Variants in MACF1 observed in about 807,000 individuals in gnomAD.
MACF1 encodes the protein microtubule-actin cross-linking factor 1.
In MACF1, 193 loss-of-function variants were observed where a neutral mutation model predicts 854.8. That is an observed-to-expected ratio of 0.23 (90% CI 0.20 to 0.25). The LOEUF (loss-of-function observed/expected upper bound fraction) is 0.25. Ranked by LOEUF, MACF1 falls within the 10% of genes least tolerant of loss-of-function variation. The probability of loss-of-function intolerance (pLI) is 1.00; values close to 1 mark genes in which losing one functional copy is unlikely to be tolerated. For synonymous variants in MACF1, 3,185 were observed against 3,226.7 expected (o/e 0.99, Z 0.44); for missense variants, 7,722 against 8,929.1 (o/e 0.86, Z 5.45).
Position 39,334,194 on chromosome 1 carries a change from A to C in MACF1, c.7606A>C (p.Lys2536Gln), listed in dbSNP as rs1454983014. 1 of 1,614,080 alleles carries C rather than the reference A, an allele frequency of 6.2e-7. No homozygotes were observed. Among genetic ancestry groups the C allele is most frequent in the Non-Finnish European group, 8.5e-7 (1 of 1,180,028 alleles). The part of the protein sequence containing the change: ...LIGEDLAEKL[K>Q]RVENLNIHQI... ...TGGTGAAGATTTAGCCGAGAAACTC[A>C]AAAGAGTTGAGAACTTAAACATCCA... Residue 2536 changes from lysine to glutamine, a missense_variant, in exon 37 of 101, where the codon AAA (lysine) becomes CAA (glutamine). By Grantham distance (53) the Lys-to-Gln change is moderately conservative. This residue lies in a region of MACF1 where 1,531 missense variants were observed against 1,601.6 expected (regional missense o/e 0.96). Transcript: ENST00000564288.
At chr1:39,479,434 AAGAG>A (rs1035212949) in intron 97 of MACF1, among the ~76,000 whole-genome samples, 3 of 152,192 alleles carry the variant, frequency 2.0e-5, no homozygotes, top group South Asian at 2.1e-4. Flanking sequence ...CACATGTACT[AAGAG>A]AGAGAAAAGA....
intron 78 of MACF1, 124 bp from the exon 79 acceptor site, chr1:39,443,322 C>T: frequency 1.1e-6 from 1 of 940,774 alleles, no homozygotes; most frequent in Non-Finnish European, 1.6e-6. Context: ...AGCAACAGAA[C>T]AGCTTTGCCA....
Position 39,335,053 on chromosome 1 carries a change from C to T in MACF1, c.8465C>T (p.Ala2822Val), listed in dbSNP as rs1038945354. 1 of 1,613,874 alleles carries T rather than the reference C, an allele frequency of 6.2e-7. No individual in the cohort carries two copies. Among genetic ancestry groups the T allele is most frequent in the Non-Finnish European group, 8.5e-7 (1 of 1,179,932 alleles). ...TTATTTCAAGTTGAAAATCAGTCTG[C>T]ACAAGAAAAGGTTAAAGTGAGAGTT... ...ERLFQVENQS[A>V]QEKVKVRVSD... is the part of the protein sequence containing the mutation. The change falls in exon 37 of 101, where the codon GCA becomes GTA. Residue 2822 changes from alanine to valine, a missense_variant. By Grantham distance (64) the Ala-to-Val change is moderately conservative. This residue lies in a region of MACF1 where 1,531 missense variants were observed against 1,601.6 expected (regional missense o/e 0.96). Coordinates refer to ENST00000564288, the MANE Select transcript of MACF1 (RefSeq NM_001394062.1).
Position 39,451,116 on chromosome 1 carries a change from G to A in MACF1, c.20323G>A (p.Val6775Ile), listed in dbSNP as rs1221024348. 1 of 1,614,070 alleles carries A rather than the reference G, an allele frequency of 6.2e-7. No homozygotes were observed. Among genetic ancestry groups the A allele is most frequent in the Non-Finnish European group, 8.5e-7 (1 of 1,180,030 alleles). ...GQFMDALQALVDWLYKVEPQL... is the reference protein window; with the variant it reads ...GQFMDALQALIDWLYKVEPQL... ...GTTCATGGATGCTTTGCAGGCATTG[G>A]TTGACTGGTTATACAAGGTGGAGCC... Residue 6775 changes from valine to isoleucine, a missense_variant, in exon 85 of 101, where the codon GTT (valine) becomes ATT (isoleucine). Around this residue, in one of 15 missense-constraint regions of MACF1, gnomAD observed 729 missense variants for 900.5 expected, o/e 0.81. Transcript: ENST00000564288.
chr1:39,328,103 G>C (rs1646650621), intron 36 of MACF1, among the ~76,000 whole-genome samples: 1 of 152,184 alleles, frequency 6.6e-6, no homozygotes, highest in Non-Finnish European at 1.5e-5. Flanking sequence ...TGGTCCAGAT[G>C]ATGCTCAAAA....
chr1:39,239,919 C>CGTCT (rs1644903279), intron 2 of MACF1, among the ~76,000 whole-genome samples: 1 of 152,226 alleles, frequency 6.6e-6, no homozygotes, highest in South Asian at 2.1e-4. Context: ...TCCGTCCGTC[C>CGTCT]GTCTTTCTGT....
chr1:39,472,004 C>T (rs757983004), intron 97 of MACF1, among the ~76,000 whole-genome samples: 2 of 152,060 alleles, frequency 1.3e-5, no homozygotes, highest in Non-Finnish European at 2.9e-5. Context: ...TTAACATGCC[C>T]GCATCAGCCA....
In MACF1 at chr1:39,395,000, G is replaced by C. The variant is rs566636827; in HGVS notation, c.15816+6342G>C. Among the ~76,000 whole-genome samples the C allele has an allele frequency of 2.0e-5, 3 of 152,198 alleles. No homozygotes were observed. In the South Asian group the frequency reaches 6.2e-4, roughly 32 times the overall value. Reference sequence around the variant, plus strand: ...ACAAAGCTACTCCAAATAGGAACTAGGGTCCAAGGAAATAAAGACAGTATC... The same window carrying C: ...ACAAAGCTACTCCAAATAGGAACTACGGTCCAAGGAAATAAAGACAGTATC... On this transcript the variant is annotated intron_variant, in intron 58 of 100. Coordinates refer to ENST00000564288, the MANE Select transcript of MACF1 (RefSeq NM_001394062.1).
chr1:39,352,877 C>A, intron 43 of MACF1, 130 bp from the exon 44 acceptor site: 1 of 552,016 alleles, frequency 1.8e-6, no homozygotes. Context: ...TTTGTATGTG[C>A]AAAGACTGTT....
rs200271783 is a variant in MACF1, at chr1:39,385,385, A to G, written c.13849-49A>G. 4 of 1,589,164 alleles carry G rather than the reference A, an allele frequency of 2.5e-6. No homozygotes were observed. The East Asian group carries it at 6.7e-5, about 27-fold the overall frequency. ...GCCTGGCCTGACACTGCTTTTAGAT[A>G]GATCTGTTTTTTTCCTGTCTAAACA... is the stretch of plus-strand genomic sequence containing the variant. On this transcript the variant is annotated intron_variant, in intron 56 of 100. Coordinates refer to ENST00000564288, the MANE Select transcript of MACF1 (RefSeq NM_001394062.1).
intron 2 of MACF1, among the ~76,000 whole-genome samples, chr1:39,126,351 A>G (rs1642859690): frequency 6.6e-6 from 1 of 152,140 alleles, no homozygotes; most frequent in Admixed American, 6.5e-5. Flanking sequence ...CCCTTTTTAT[A>G]ACACTAGTTA....
chr1:39,160,246 T>G (rs371273219), intron 2 of MACF1, among the ~76,000 whole-genome samples: 1 of 152,124 alleles, frequency 6.6e-6, no homozygotes, highest in African/African-American at 2.4e-5. Flanking sequence ...TGAGTTCATC[T>G]TAGAGGTACA....
chr1:39,438,671 A>G (rs1644033519), intron 71 of MACF1, among the ~76,000 whole-genome samples: 1 of 152,016 alleles, frequency 6.6e-6, no homozygotes, highest in Non-Finnish European at 1.5e-5. Flanking sequence ...CCAGCAACTC[A>G]GGAGGCTGAG....
chr1:39,364,915 A>G (rs1158520559), intron 49 of MACF1, among the ~76,000 whole-genome samples: 1 of 152,164 alleles, frequency 6.6e-6, no homozygotes, highest in Non-Finnish European at 1.5e-5. Context: ...TTCATGCTTT[A>G]TTCTAAAACT....
chr1:39,446,492 AT>A (rs541475374), intron 80 of MACF1, among the ~76,000 whole-genome samples: 216 of 144,398 alleles, frequency 1.5e-3, no homozygotes, highest in African/African-American at 1.5e-3. Flanking sequence ...ATTTATTGTA[AT>A]TTTTTTTTTT....
chr1:39,468,465 G>A (rs984381380), intron 95 of MACF1, 150 bp from the exon 96 acceptor site: 2 of 602,380 alleles, frequency 3.3e-6, no homozygotes, highest in South Asian at 4.6e-5. Context: ...ATCCTTTTGT[G>A]AAATATATAA....
At chr1:39,329,139 T>A (rs1646670553) in intron 36 of MACF1, among the ~76,000 whole-genome samples, 1 of 152,228 alleles carries the variant, frequency 6.6e-6, no homozygotes, top group East Asian at 1.9e-4. Flanking sequence ...ATATATATGT[T>A]TAAATTATAT....
At chr1:39,479,674 C>T in intron 97 of MACF1, 124 bp from the exon 98 acceptor site, 1 of 756,312 alleles carries the variant, frequency 1.3e-6, no homozygotes. Flanking sequence ...TTGAAGAACC[C>T]ACAGATGGTA....
At chr1:39,269,755 T>C (rs1412007834) in intron 6 of MACF1, 4 of 1,263,284 alleles carry the variant, frequency 3.2e-6, no homozygotes, top group East Asian at 5.6e-5. Flanking sequence ...ATCAAACTGC[T>C]GTTTGGATTC....
Sources: gnomAD v4.1 joint callset for allele counts (sites outside exome capture counted in the v4.1 genomes callset) on GRCh38, gnomAD v4.1.1 for gene constraint, gnomAD v4.1.1 regional missense constraint, MANE v1.5 for transcripts, NCBI Gene and HGNC (gene_info 2026-07-23, HGNC 2026-07-21) for gene names.